Variants in DLG2 observed in about 807,000 individuals in gnomAD.
DLG2 encodes the protein discs large MAGUK scaffold protein 2.
A neutral mutation model predicts 132.5 loss-of-function variants in DLG2; 45 were observed. That is an observed-to-expected ratio of 0.34 (90% CI 0.27 to 0.44). DLG2 has a LOEUF of 0.44. Among genes scored for constraint, DLG2 ranks in the 20% least tolerant of loss-of-function variants. The pLI is 1.00. For synonymous variants in DLG2, 424 were observed against 419.6 expected (o/e 1.01, Z -0.13); for missense variants, 1,045 against 1,196.9 (o/e 0.87, Z 1.87).
intron 3 of DLG2, among the ~76,000 whole-genome samples, chr11:85,301,251 T>G (rs1248589141): frequency 6.6e-6 from 1 of 151,900 alleles, no homozygotes; most frequent in Non-Finnish European, 1.5e-5. Context: ...ACAAAGAGAA[T>G]GGTATAAGAT....
chr11:84,815,227 G>C (rs1428381504), intron 6 of DLG2, among the ~76,000 whole-genome samples: 1 of 152,074 alleles, frequency 6.6e-6, no homozygotes, highest in Admixed American at 6.6e-5. Flanking sequence ...CACTAGGAGA[G>C]AGGAAAACAG....
intron 3 of DLG2, among the ~76,000 whole-genome samples, chr11:85,587,547 T>C (rs1354625477): frequency 1.3e-5 from 2 of 152,192 alleles, no homozygotes; most frequent in Non-Finnish European, 2.9e-5. Context: ...TCCATTTTCA[T>C]GGGGTATCTT....
At chr11:85,058,071 T>C (rs1370477815) in intron 6 of DLG2, among the ~76,000 whole-genome samples, 1 of 150,906 alleles carries the variant, frequency 6.6e-6, no homozygotes, top group Non-Finnish European at 1.5e-5. Context: ...GCCAGGAAAA[T>C]AAGAAAAGAA....
At chr11:84,263,670 C>A (rs1197169505) in intron 7 of DLG2, among the ~76,000 whole-genome samples, 1 of 152,082 alleles carries the variant, frequency 6.6e-6, no homozygotes, top group Non-Finnish European at 1.5e-5. Context: ...AATCCCTCTG[C>A]CTTCATTTTT....
At chr11:85,392,964 A>G (rs980215664) in intron 3 of DLG2, among the ~76,000 whole-genome samples, 2 of 152,202 alleles carry the variant, frequency 1.3e-5, no homozygotes, top group African/African-American at 4.8e-5. Context: ...ACAAAAACAA[A>G]GATAAGTAGA....
chr11:83,881,077 T>C (rs2066132207), intron 15 of DLG2, among the ~76,000 whole-genome samples: 1 of 152,178 alleles, frequency 6.6e-6, no homozygotes, highest in Admixed American at 6.5e-5. Flanking sequence ...GTGATTACTT[T>C]TGCACCAATC....
chr11:85,051,571 A>G (rs1052303362), intron 6 of DLG2, among the ~76,000 whole-genome samples: 1 of 152,186 alleles, frequency 6.6e-6, no homozygotes, highest in Admixed American at 6.6e-5. Flanking sequence ...CAGAGAAAAC[A>G]GATATTGAAA....
At chr11:84,827,984 C>A (rs972737556) in intron 6 of DLG2, among the ~76,000 whole-genome samples, 1 of 151,642 alleles carries the variant, frequency 6.6e-6, no homozygotes, top group Admixed American at 6.6e-5. Context: ...TAGATATATG[C>A]CATGTGTATG....
intron 2 of DLG2, among the ~76,000 whole-genome samples, chr11:85,609,824 T>A (rs536353751): frequency 3.3e-5 from 5 of 152,214 alleles, no homozygotes; most frequent in Non-Finnish European, 4.4e-5. Context: ...CCCAGACGAC[T>A]GTCCTCAAGG....
chr11:84,103,657 A>T (rs1490381667), intron 9 of DLG2, among the ~76,000 whole-genome samples: 2 of 152,064 alleles, frequency 1.3e-5, no homozygotes, highest in Non-Finnish European at 2.9e-5. Context: ...TTTCTAGCCA[A>T]ATGACACTTC....
rs547754092 is a variant in DLG2, at chr11:85,617,460, T to C, written c.-93+9127A>G. On this transcript the variant is annotated intron_variant, in intron 2 of 27. Transcript: ENST00000376104. Reference sequence around the variant, plus strand: ...TTAACCTCACCACACAGCATTGAAATTGCCTGTTTTTGCATCTGTCTTCCT... The same window carrying C: ...TTAACCTCACCACACAGCATTGAAACTGCCTGTTTTTGCATCTGTCTTCCT... 5.9e-5 allele frequency among the ~76,000 whole-genome samples: 9 copies of C among 152,322 alleles called. No homozygotes were observed. The East Asian group carries it at 1.7e-3, about 29-fold the overall frequency.
intron 15 of DLG2, among the ~76,000 whole-genome samples, chr11:83,876,545 T>C (rs1361956446): frequency 6.6e-6 from 1 of 152,148 alleles, no homozygotes; most frequent in African/African-American, 2.4e-5. Flanking sequence ...TATTCACCTA[T>C]ACTCCTATTA....
intron 9 of DLG2, among the ~76,000 whole-genome samples, chr11:84,113,282 T>C (rs937242292): frequency 1.3e-5 from 2 of 152,170 alleles, no homozygotes; most frequent in Admixed American, 6.5e-5. Flanking sequence ...CATAAAACAC[T>C]TCCATTGTAT....
At chr11:83,796,902 G>A (rs1174217037) in intron 17 of DLG2, among the ~76,000 whole-genome samples, 2 of 152,124 alleles carry the variant, frequency 1.3e-5, no homozygotes, top group East Asian at 1.9e-4. Flanking sequence ...GGCGGTAAGT[G>A]CTAGCACAAA....
intron 18 of DLG2, among the ~76,000 whole-genome samples, chr11:83,668,713 A>ATG (rs1371308984): frequency 3.6e-5 from 4 of 109,598 alleles, no homozygotes; most frequent in Non-Finnish European, 5.5e-5. Flanking sequence ...ACACATATAT[A>ATG]TGTGTATATA....
intron 6 of DLG2, among the ~76,000 whole-genome samples, chr11:84,784,344 A>ATAAATAAG (rs1292172694): frequency 1.1e-4 from 17 of 147,848 alleles, no homozygotes; most frequent in Admixed American, 2.7e-4. Context: ...AAATAAATAA[A>ATAAATAAG]TAAATAAATA....
chr11:85,524,350 C>A (rs1199101600), intron 3 of DLG2, among the ~76,000 whole-genome samples: 3 of 151,750 alleles, frequency 2.0e-5, no homozygotes, highest in African/African-American at 7.3e-5. Flanking sequence ...CAAAATATCT[C>A]ACATATGCCA....
chr11:85,474,931 A>T (rs1387320309), intron 3 of DLG2, among the ~76,000 whole-genome samples: 1 of 151,646 alleles, frequency 6.6e-6, no homozygotes, highest in Non-Finnish European at 1.5e-5. Context: ...TGAACAAGCA[A>T]AGTTCCTAAT....
intron 16 of DLG2, among the ~76,000 whole-genome samples, chr11:83,865,746 G>A (rs866745034): frequency 2.0e-5 from 3 of 152,136 alleles, no homozygotes; most frequent in Non-Finnish European, 2.9e-5. Context: ...AGAAAATCAT[G>A]TCTATGTCAA....
Sources: allele counts gnomAD v4.1 joint callset (sites outside exome capture counted in the v4.1 genomes callset), GRCh38; gene constraint gnomAD v4.1.1; transcripts MANE v1.5; gene names NCBI Gene and HGNC (gene_info 2026-07-23, HGNC 2026-07-21).